ROBO1: variants seen among roughly 807,000 people sequenced by gnomAD.
ROBO1 encodes the protein roundabout homolog 1.
Under a neutral mutation model 195.9 loss-of-function variants are expected in ROBO1, and 149 were observed. That is an observed-to-expected ratio of 0.76 (90% CI 0.67 to 0.87). The LOEUF is 0.87. Among genes scored for constraint, ROBO1 ranks in the 40% least tolerant of loss-of-function variants. The pLI, the probability that ROBO1 is intolerant of heterozygous loss-of-function variation, is 0.00. For synonymous variants in ROBO1, 816 were observed against 733.2 expected (o/e 1.11, Z -1.82); for missense variants, 1,933 against 2,068.3 (o/e 0.93, Z 1.27).
At chr3:79,449,810 T>C (rs944418549) in intron 2 of ROBO1, among the ~76,000 whole-genome samples, 1 of 152,164 alleles carries the variant, frequency 6.6e-6, no homozygotes, top group Non-Finnish European at 1.5e-5. Flanking sequence ...TTTAAGCTCT[T>C]CATTAACAGC....
chr3:79,588,550 T>A (rs1178171491), intron 2 of ROBO1, among the ~76,000 whole-genome samples: 1 of 151,778 alleles, frequency 6.6e-6, no homozygotes, highest in Non-Finnish European at 1.5e-5. Context: ...CACTTTCATA[T>A]AAGTATCCTC....
At chr3:78,822,698 T>G (rs572043313) in intron 4 of ROBO1, among the ~76,000 whole-genome samples, 2 of 152,352 alleles carry the variant, frequency 1.3e-5, no homozygotes, top group Admixed American at 1.3e-4. Context: ...GCCTTCCTCA[T>G]TCTGGTCCAA....
At chr3:78,668,626 G>A (rs1463316805) in intron 11 of ROBO1, 61 bp from the exon 12 acceptor site, 30 of 1,494,588 alleles carry the variant, frequency 2.0e-5, no homozygotes, top group Non-Finnish European at 2.8e-5. Context: ...GGCTGGAAAA[G>A]CAATTACAGG....
chr3:79,265,700 T>C (rs772723678), intron 2 of ROBO1, among the ~76,000 whole-genome samples: 3 of 151,484 alleles, frequency 2.0e-5, no homozygotes, highest in Non-Finnish European at 4.4e-5. Context: ...AATATTCTCA[T>C]AAACTGAAGA....
chr3:78,670,234 G>A lies in ROBO1; in HGVS notation c.1410C>T (p.Gly470=), dbSNP rs1371528555. 3 of 1,600,156 alleles carry A rather than the reference G, an allele frequency of 1.9e-6. No homozygotes were observed. Among genetic ancestry groups the A allele is most frequent in the Non-Finnish European group, 2.6e-6 (3 of 1,172,684 alleles). The change falls in exon 11 of 31, where the codon GGC becomes GGT. Residue 470 remains glycine (G), a synonymous_variant. Transcript: ENST00000464233. ...GPVNQTVAVD[G]TFVLSCVATG... is the part of the protein sequence containing the mutation. ...TGGCCACACAGCTGAGGACGAAAGT[G>A]CCATCCACGGCTACAGTCTGATTCA...
At chr3:78,680,239 A>G (rs2107787348) in intron 10 of ROBO1, among the ~76,000 whole-genome samples, 1 of 152,242 alleles carries the variant, frequency 6.6e-6, no homozygotes, top group East Asian at 1.9e-4. Context: ...CTAGAAGAAA[A>G]CCTAGGCATT....
At chr3:79,506,048 C>G (rs557296531) in intron 2 of ROBO1, among the ~76,000 whole-genome samples, 1 of 152,118 alleles carries the variant, frequency 6.6e-6, no homozygotes, top group South Asian at 2.1e-4. Flanking sequence ...ACTGGAAATA[C>G]ACCTAGACAA....
chr3:79,636,582 C>T (rs1945502929), intron 1 of ROBO1, among the ~76,000 whole-genome samples: 1 of 152,126 alleles, frequency 6.6e-6, no homozygotes, highest in Non-Finnish European at 1.5e-5. Context: ...TTCCTTTACT[C>T]CATTATTGGT....
chr3:78,877,195 T>C (rs1292290302), intron 4 of ROBO1, among the ~76,000 whole-genome samples: 12 of 152,276 alleles, frequency 7.9e-5, no homozygotes, highest in Admixed American at 5.9e-4. Context: ...ATTTGGGACA[T>C]ACATATAATA....
chr3:79,364,031 C>T (rs1352244692), intron 2 of ROBO1, among the ~76,000 whole-genome samples: 4 of 151,826 alleles, frequency 2.6e-5, no homozygotes, highest in South Asian at 2.1e-4. Flanking sequence ...GGTGAAACTC[C>T]GTCTCTACTA....
chr3:78,882,852 G>A (rs192283770), intron 4 of ROBO1, among the ~76,000 whole-genome samples: 50 of 127,932 alleles, frequency 3.9e-4, no homozygotes, highest in Middle Eastern at 5.4e-3. Context: ...TCACTCTATT[G>A]CCCAGGCTGG....
At chr3:79,178,723 C>G (rs2081295010) in intron 2 of ROBO1, among the ~76,000 whole-genome samples, 1 of 152,190 alleles carries the variant, frequency 6.6e-6, no homozygotes, top group Admixed American at 6.5e-5. Context: ...CAAAGACACA[C>G]AATAGACAGA....
chr3:78,620,733 G>A (rs930200185), intron 26 of ROBO1, among the ~76,000 whole-genome samples: 15 of 152,092 alleles, frequency 9.9e-5, no homozygotes, highest in East Asian at 3.9e-4. Flanking sequence ...TCATTTTACA[G>A]GGGAGAATAT....
chr3:79,708,568 A>G (rs1320769641), intron 1 of ROBO1, among the ~76,000 whole-genome samples: 1 of 152,184 alleles, frequency 6.6e-6, no homozygotes, highest in African/African-American at 2.4e-5. Flanking sequence ...TACTTTGTTC[A>G]AGAAACAAAA....
chr3:79,353,428 C>G (rs1309749034), intron 2 of ROBO1, among the ~76,000 whole-genome samples: 1 of 151,828 alleles, frequency 6.6e-6, no homozygotes, highest in African/African-American at 2.4e-5. Flanking sequence ...CACACACACA[C>G]ACGCACAGAA....
rs948605132 is a variant in ROBO1, at chr3:79,066,597, G to A, written c.172+58859C>T. Among the ~76,000 whole-genome samples the A allele has an allele frequency of 5.9e-5, 9 of 151,770 alleles. No homozygotes were observed. In the East Asian group the frequency reaches 1.8e-3, roughly 30 times the overall value. On this transcript the variant is annotated intron_variant, in intron 3 of 30. Coordinates refer to ENST00000464233, the MANE Select transcript of ROBO1 (RefSeq NM_002941.4). ...AATTTTTTTAGATATTTAAAAAAATGCTTCTTAGGGAAAACGATTCTATAG... is the reference window on the plus strand; with the variant it reads ...AATTTTTTTAGATATTTAAAAAAATACTTCTTAGGGAAAACGATTCTATAG...
At chr3:78,846,083 C>G (rs2033651572) in intron 4 of ROBO1, among the ~76,000 whole-genome samples, 1 of 151,946 alleles carries the variant, frequency 6.6e-6, no homozygotes, top group South Asian at 2.1e-4. Flanking sequence ...GATGAGGCTT[C>G]TCGCCACTAA....
chr3:79,470,393 C>T (rs1009642802), intron 2 of ROBO1, among the ~76,000 whole-genome samples: 1 of 152,220 alleles, frequency 6.6e-6, no homozygotes, highest in South Asian at 2.1e-4. Flanking sequence ...GGGAACATCA[C>T]ATACTGGGGC....
chr3:79,043,354 C>T (rs1318366018), intron 3 of ROBO1, among the ~76,000 whole-genome samples: 1 of 152,048 alleles, frequency 6.6e-6, no homozygotes, highest in Non-Finnish European at 1.5e-5. Context: ...AGAAGGCATA[C>T]ACAGATCTTA....
Sources: gnomAD v4.1 joint callset for allele counts (sites outside exome capture counted in the v4.1 genomes callset) on GRCh38, gnomAD v4.1.1 for gene constraint, MANE v1.5 for transcripts, NCBI Gene and HGNC (gene_info 2026-07-23, HGNC 2026-07-21) for gene names.